KLHL21: variants seen among roughly 807,000 people sequenced by gnomAD.
KLHL21 encodes the protein kelch-like protein 21.
KLHL21 carries 42 observed loss-of-function variants against 44.1 expected under a neutral mutation model. The ratio of observed to expected loss-of-function variants is 0.95; its 90% CI spans 0.74 to 1.23. The LOEUF is 1.23. Ranked by LOEUF, KLHL21 falls within the 50% of genes most tolerant of loss-of-function variation. The pLI is 0.00. For synonymous variants in KLHL21, 524 were observed against 411.6 expected, an observed-to-expected ratio of 1.27 and a Z score of -3.31; for missense variants, 918 against 889.1, an observed-to-expected ratio of 1.03 and a Z score of -0.41.
At chr1:6,599,555 C>G in intron 1 of KLHL21, 103 bp from the exon 2 acceptor site, 1 of 1,226,946 alleles carries the variant, frequency 8.2e-7, no homozygotes, top group East Asian at 2.5e-5. Flanking sequence ...GAGGAATTAA[C>G]ATCACTGGGC....
chr1:6,601,653 A>G, intron 1 of KLHL21, 144 bp downstream of exon 1: 1 of 1,295,618 alleles, frequency 7.7e-7, no homozygotes, highest in East Asian at 2.7e-5. Flanking sequence ...TATCGCCCAG[A>G]GACATGTAGT....
rs2148704432 is a variant in KLHL21 at position 6,602,170 on chromosome 1, G to C, written c.648C>G (p.His216Gln). 1.4e-6 allele frequency: 2 copies of C among 1,430,040 alleles called. No homozygotes were observed. Among genetic ancestry groups the C allele is most frequent in the Non-Finnish European group, 1.8e-6 (2 of 1,102,898 alleles). 88.6% of individuals were successfully genotyped at this position (1,430,040 alleles called of 1,614,324 possible). ...GCACGGCCTCCAGCAGCTGCGGCCA[G>C]TGCGCGGCGCGGCGCGGCGGGTCAG... ...VRADPPRRAA[H>Q]WPQLLEAVRL... Residue 216 changes from histidine to glutamine, a missense_variant, in exon 1 of 4, where the codon CAC becomes CAG. Transcript: ENST00000377658.
rs1335988721 is a variant in KLHL21 at position 6,591,701 on chromosome 1, A to T, written c.*1664T>A. ...ACAGGGCAGGGGGGCTCCCTGAGGG[A>T]GTTTGCACAGACCAGGAGGGGCCAA... On this transcript the variant is annotated 3_prime_UTR_variant, in exon 4 of 4. Transcript: ENST00000377658. 6.6e-6 allele frequency: 1 copy of T among 152,502 alleles called. No homozygotes were observed. Among genetic ancestry groups the T allele is most frequent in the Non-Finnish European group, 1.5e-5 (1 of 68,268 alleles). 9.4% of individuals were successfully genotyped at this position (152,502 alleles called of 1,614,324 possible). A position where few individuals can be genotyped will look rare whatever the true frequency, so the allele number is the denominator to read the frequency against.
chr1:6,599,005 G>T, intron 2 of KLHL21, 42 bp downstream of exon 2: 1 of 1,523,984 alleles, frequency 6.6e-7, no homozygotes, highest in Non-Finnish European at 8.8e-7. Context: ...GGCCTGGTAA[G>T]AGACACCAAA....
In KLHL21 at chr1:6,602,409, T is replaced by C. The variant is rs1283122327; in HGVS notation, c.409A>G (p.Asn137Asp). 2.5e-6 allele frequency: 4 copies of C among 1,596,948 alleles called. No individual in the cohort carries two copies. The African/African-American group carries it at 4.0e-5, about 16-fold the overall frequency. Residue 137 changes from asparagine (N) to aspartate (D), a missense_variant, in exon 1 of 4, where the codon AAC (asparagine) becomes GAC (aspartate). Coordinates refer to ENST00000377658, the MANE Select transcript of KLHL21 (RefSeq NM_014851.4). Reference sequence around the variant, plus strand: ...GCGAAGTCCTGCATGTCCAGGCAGTTGGCCAGGTCGAGCTGCTGCTGCAGG... The same window carrying C: ...GCGAAGTCCTGCATGTCCAGGCAGTCGGCCAGGTCGAGCTGCTGCTGCAGG... ...AFLQQQLDLANCLDMQDFAEA... is the reference protein window; with the variant it reads ...AFLQQQLDLADCLDMQDFAEA...
intron 3 of KLHL21, 180 bp from the exon 4 acceptor site, chr1:6,593,838 TC>T: frequency 4.4e-6 from 6 of 1,363,930 alleles, no homozygotes; most frequent in Non-Finnish European, 4.7e-6. Flanking sequence ...AGAACGGGCC[TC>T]CCCGGAGGCA....
At position 6,601,914 on chromosome 1, in the gene KLHL21, C is replaced by G; in HGVS notation, c.904G>C (p.Val302Leu). 6.4e-7 allele frequency: 1 copy of G among 1,564,042 alleles called. No individual in the cohort carries two copies. Among genetic ancestry groups the G allele is most frequent in the Non-Finnish European group, 8.7e-7 (1 of 1,154,960 alleles). ...TGCGGGTTGTAGCAGTCGACAGTGA[C>G]CAGCTCGTCACAGTCCTGGTCGCAG... ...GGCDQDCDEL[V>L]TVDCYNPQTG... Residue 302 changes from valine to leucine, a missense_variant, in exon 1 of 4, where the codon GTC becomes CTC. Physicochemically the swap from Val to Leu is conservative, Grantham distance 32 (BLOSUM62 1). Coordinates refer to ENST00000377658, the MANE Select transcript of KLHL21 (RefSeq NM_014851.4).
intron 3 of KLHL21, 22 bp from the exon 4 acceptor site, chr1:6,593,680 G>A: frequency 6.4e-7 from 1 of 1,552,138 alleles, no homozygotes; most frequent in Non-Finnish European, 8.7e-7. Flanking sequence ...AGGGATGAGT[G>A]AGTGGAGGTC....
intron 2 of KLHL21, among the ~76,000 whole-genome samples, chr1:6,597,261 AAGGTTAACCC>A (rs1640940695): frequency 6.6e-6 from 1 of 152,126 alleles, no homozygotes; most frequent in African/African-American, 2.4e-5. Context: ...TCCCTATGGG[AAGGTTAACCC>A]AGCAGGCAGA....
Position 6,595,561 on chromosome 1 carries a change from T to C in KLHL21, c.1428-4A>G, listed in dbSNP as rs1356325953. The stretch of plus-strand genomic sequence containing the variant: ...GTCCACCTCAGCGGAGTCATCCCTG[T>C]GGAGGGGGCAGCAGGAGGACAACTG... On this transcript the variant is annotated splice_region_variant and splice_polypyrimidine_tract_variant and intron_variant, in intron 2 of 3. Coordinates refer to ENST00000377658, the MANE Select transcript of KLHL21 (RefSeq NM_014851.4). 1 of 1,612,960 alleles carries C rather than the reference T, an allele frequency of 6.2e-7. No homozygotes were observed.
intron 2 of KLHL21, among the ~76,000 whole-genome samples, chr1:6,597,638 A>T (rs1640946077): frequency 6.6e-6 from 1 of 152,180 alleles, no homozygotes; most frequent in Non-Finnish European, 1.5e-5. Context: ...AAAGCCTGGT[A>T]AGGAGCCTCC....
Position 6,602,008 on chromosome 1 carries a change from G to A in KLHL21, c.810C>T (p.Arg270=), listed in dbSNP as rs1462973209. ...GAGGACGCATTCGGGGACAGGGCCC[G>A]CGGTCGTGGCGGTCGTAGCGCGCCG... is the stretch of plus-strand genomic sequence containing the variant. ...FQAARYDRHD[R]GPCPRMRPRP... The change falls in exon 1 of 4, where the codon CGC becomes CGT. Residue 270 remains arginine (R), a synonymous_variant. Transcript: ENST00000377658. 6 of 1,537,674 alleles carry A rather than the reference G, an allele frequency of 3.9e-6. No individual in the cohort carries two copies. The highest frequency in any genetic ancestry group is 4.4e-6 in the Non-Finnish European group (5 of 1,138,924).
intron 3 of KLHL21, 195 bp downstream of exon 3, chr1:6,595,290 T>A: frequency 1.5e-6 from 1 of 669,190 alleles, no homozygotes. Context: ...CTAAGCTGTG[T>A]AATCATAGGG....
At position 6,593,956 on chromosome 1, in the gene KLHL21, A is replaced by G. The variant is rs1640890433; in HGVS notation, c.1501-298T>C. On this transcript the variant is annotated intron_variant, in intron 3 of 3. Transcript: ENST00000377658. ...CTACGTTCTCTCTCAGAATCTCTGCAGTGGCCCTCTGGGCTGAGCAGTGCT... is the reference window on the plus strand; with the variant it reads ...CTACGTTCTCTCTCAGAATCTCTGCGGTGGCCCTCTGGGCTGAGCAGTGCT... 2.5e-6 allele frequency: 3 copies of G among 1,200,650 alleles called. No individual in the cohort carries two copies. The South Asian group carries it at 9.8e-5, about 39-fold the overall frequency. The allele number at this position is 1,200,650 out of a possible 1,614,324, so 74.4% of individuals were successfully genotyped here. A position where few individuals can be genotyped will look rare whatever the true frequency, so the allele number is the denominator to read the frequency against.
At chr1:6,593,816 A>C in intron 3 of KLHL21, 158 bp from the exon 4 acceptor site, 2 of 1,360,864 alleles carry the variant, frequency 1.5e-6, no homozygotes, top group South Asian at 2.0e-5. Context: ...CCTTTCCAAC[A>C]CCCTGCCTAG....
At chr1:6,601,127 G>C (rs1005692987) in intron 1 of KLHL21, among the ~76,000 whole-genome samples, 1 of 152,194 alleles carries the variant, frequency 6.6e-6, no homozygotes, top group Non-Finnish European at 1.5e-5. Context: ...TGTTTGAACT[G>C]GGATTTATCT....
chr1:6,595,651 T>A, intron 2 of KLHL21, 94 bp from the exon 3 acceptor site: 1 of 1,011,384 alleles, frequency 9.9e-7, no homozygotes, highest in South Asian at 1.5e-5. Flanking sequence ...GGTCACTGAC[T>A]CCTCCAGTGA....
intron 1 of KLHL21, 145 bp downstream of exon 1, chr1:6,601,652 G>T (rs1042601736): frequency 3.9e-6 from 5 of 1,297,132 alleles, no homozygotes; most frequent in Middle Eastern, 2.7e-4. Flanking sequence ...GTATCGCCCA[G>T]AGACATGTAG....
intron 3 of KLHL21, 60 bp downstream of exon 3, chr1:6,595,425 C>A: frequency 1.3e-6 from 2 of 1,506,066 alleles, no homozygotes; most frequent in Non-Finnish European, 1.8e-6. Flanking sequence ...CACGATGACA[C>A]TTGGGTTGCA....
Sources: allele counts gnomAD v4.1 joint callset (sites outside exome capture counted in the v4.1 genomes callset), GRCh38; gene constraint gnomAD v4.1.1; transcripts MANE v1.5; gene names NCBI Gene and HGNC (gene_info 2026-07-23, HGNC 2026-07-21).